Variants in SUCLG2 observed in about 807,000 individuals in gnomAD.
SUCLG2 encodes the protein succinate--CoA ligase [GDP-forming] subunit beta, mitochondrial.
In SUCLG2, 42 loss-of-function variants were observed where a neutral mutation model predicts 47.9. The observed-to-expected ratio is 0.88, with a 90% CI of 0.69 to 1.14. The LOEUF (loss-of-function observed/expected upper bound fraction) is 1.14, where lower values mean the gene tolerates loss of function less well. SUCLG2 is among the 50% of genes most tolerant of loss of function. The pLI is 0.00. For synonymous variants in SUCLG2, 195 were observed against 197.3 expected (o/e 0.99, Z 0.10); for missense variants, 571 against 525.9 (o/e 1.09, Z -0.84).
chr3:67,584,038 A>G (rs78840125), intron 2 of SUCLG2, among the ~76,000 whole-genome samples: 2,652 of 152,322 alleles, frequency 0.017, 31 homozygotes, highest in Non-Finnish European at 0.029. Flanking sequence ...TTGGGGCCAG[A>G]ATTCTGTCTA....
chr3:67,419,194 T>C (rs77467579), intron 9 of SUCLG2, among the ~76,000 whole-genome samples: 1 of 152,220 alleles, frequency 6.6e-6, no homozygotes, highest in Non-Finnish European at 1.5e-5. Context: ...TTTCTGTTGA[T>C]GGCCTGTTGA....
chr3:67,515,137 G>C (rs529879757), intron 6 of SUCLG2, among the ~76,000 whole-genome samples: 20 of 152,296 alleles, frequency 1.3e-4, no homozygotes, highest in South Asian at 4.1e-4. Flanking sequence ...TTGAGAAAGA[G>C]ACCATATTCA....
chr3:67,369,784 G>C (rs1274082706), downstream of SUCLG2, among the ~76,000 whole-genome samples: 4 of 152,272 alleles, frequency 2.6e-5, no homozygotes, highest in East Asian at 7.7e-4. Flanking sequence ...CTGTCACATA[G>C]ATCAGCCCAG....
rs144389748 is a variant in SUCLG2, at chr3:67,506,439, G to A, written c.757+2368C>T. Among the ~76,000 whole-genome samples, 688 of 152,172 alleles carry A rather than the reference G, an allele frequency of 4.5e-3. 8 individuals carry two copies. In the East Asian group the frequency reaches 0.054, roughly 12 times the overall value. On this transcript the variant is annotated intron_variant, in intron 7 of 10. Coordinates refer to ENST00000307227, the MANE Select transcript of SUCLG2 (RefSeq NM_003848.4). Reference sequence around the variant, plus strand: ...CTTAAAAATATCACATAAGACTTATGTTTTAATGAACTGTATATAATGTTT... The same window carrying A: ...CTTAAAAATATCACATAAGACTTATATTTTAATGAACTGTATATAATGTTT...
At chr3:67,495,651 CA>C (rs57812170) in intron 9 of SUCLG2, 146 bp downstream of exon 9, 45,076 of 642,712 alleles carry the variant, frequency 0.07, no homozygotes, top group East Asian at 0.11. Flanking sequence ...GACTCCGTCT[CA>C]AAAAAAAAAA....
chr3:67,619,660 T>C (rs1443227836), intron 1 of SUCLG2, among the ~76,000 whole-genome samples: 2 of 152,212 alleles, frequency 1.3e-5, no homozygotes, highest in African/African-American at 4.8e-5. Context: ...TGCCTTGTTC[T>C]TTTTATCCTA....
chr3:67,487,598 G>T (rs1484091395), intron 9 of SUCLG2, among the ~76,000 whole-genome samples: 1 of 151,204 alleles, frequency 6.6e-6, no homozygotes, highest in African/African-American at 2.4e-5. Context: ...AAAAAGAAAA[G>T]GCAAGTCATA....
At chr3:67,424,887 A>G (rs899276089) in intron 9 of SUCLG2, among the ~76,000 whole-genome samples, 4 of 152,030 alleles carry the variant, frequency 2.6e-5, no homozygotes, top group African/African-American at 9.7e-5. Context: ...CTTTTAGCCA[A>G]TCTGAACAAT....
intron 9 of SUCLG2, among the ~76,000 whole-genome samples, chr3:67,485,337 T>C (rs1486697971): frequency 6.6e-6 from 1 of 152,246 alleles, no homozygotes; most frequent in African/African-American, 2.4e-5. Context: ...TTTTCTTTCC[T>C]AAGTCTTATG....
In SUCLG2 at chr3:67,621,682, A is replaced by G. The variant is rs138024077; in HGVS notation, c.85-12086T>C. ...TGGCTTTCTAAGAAAAAGAAGAGAG[A>G]TGAGAGCTAGTACTCTCAGCCCCTT... is the stretch of plus-strand genomic sequence containing the variant. On this transcript the variant is annotated intron_variant, in intron 1 of 10. Coordinates refer to ENST00000307227, the MANE Select transcript of SUCLG2 (RefSeq NM_003848.4). Among the ~76,000 whole-genome samples the G allele has an allele frequency of 2.0e-3, 304 of 152,226 alleles. 4 individuals are homozygous for G. The East Asian group carries it at 0.043, about 22-fold the overall frequency.
chr3:67,459,223 A>T (rs1355621239), intron 9 of SUCLG2, among the ~76,000 whole-genome samples: 2 of 151,942 alleles, frequency 1.3e-5, no homozygotes, highest in Non-Finnish European at 2.9e-5. Context: ...GGCCTGCTTG[A>T]CGAAGCACAT....
chr3:67,487,571 T>C (rs975805211), intron 9 of SUCLG2, among the ~76,000 whole-genome samples: 2 of 143,398 alleles, frequency 1.4e-5, no homozygotes, highest in East Asian at 3.9e-4. Context: ...TATGTAATAA[T>C]GGAAAACTAG....
chr3:67,393,476 C>T (rs1422351730), intron 10 of SUCLG2, among the ~76,000 whole-genome samples: 9 of 152,196 alleles, frequency 5.9e-5, no homozygotes, highest in Non-Finnish European at 1.2e-4. Flanking sequence ...GGGAGGGGTG[C>T]CTGCCATGGC....
intron 9 of SUCLG2, among the ~76,000 whole-genome samples, chr3:67,404,494 T>C (rs4450832): frequency 0.19 from 29,463 of 151,744 alleles, 2,994 homozygotes; most frequent in Admixed American, 0.28. Flanking sequence ...ACAAAGCAAT[T>C]GAGATTTCTA....
chr3:67,589,657 G>A (rs9847456), intron 2 of SUCLG2, among the ~76,000 whole-genome samples: 4,555 of 152,272 alleles, frequency 0.03, 229 homozygotes, highest in African/African-American at 0.1. Context: ...TTCAAGATGG[G>A]GCCTTCCAAG....
chr3:67,648,367 G>A (rs761677700), intron 1 of SUCLG2, among the ~76,000 whole-genome samples: 1 of 152,184 alleles, frequency 6.6e-6, no homozygotes, highest in Non-Finnish European at 1.5e-5. Flanking sequence ...ACCTTCATCA[G>A]CACAAGTCCA....
intron 9 of SUCLG2, among the ~76,000 whole-genome samples, chr3:67,460,314 G>C (rs1164399489): frequency 6.6e-6 from 1 of 152,172 alleles, no homozygotes; most frequent in Non-Finnish European, 1.5e-5. Context: ...TCACATGATA[G>C]TACAATAAAA....
rs1287654484 is a variant in SUCLG2, at chr3:67,395,675, T to C, written c.1183+5056A>G. Among the ~76,000 whole-genome samples, 22 of 152,310 alleles carry C rather than the reference T, an allele frequency of 1.4e-4. No individual in the cohort carries two copies. In the East Asian group the frequency reaches 4.2e-3, roughly 29 times the overall value. On this transcript the variant is annotated intron_variant, in intron 10 of 10. Coordinates refer to ENST00000307227, the MANE Select transcript of SUCLG2 (RefSeq NM_003848.4). The stretch of plus-strand genomic sequence containing the variant: ...TCAGCTCTGCACCAAGTGGACCTAA[T>C]AGACATCTACAGAACTCTCCACCCC...
intron 7 of SUCLG2, among the ~76,000 whole-genome samples, chr3:67,505,255 C>T (rs577269268): frequency 6.6e-6 from 1 of 152,184 alleles, no homozygotes; most frequent in African/African-American, 2.4e-5. Context: ...GCAAGCAGGG[C>T]TGGAGAACCA....
Sources: allele counts gnomAD v4.1 joint callset (sites outside exome capture counted in the v4.1 genomes callset), GRCh38; gene constraint gnomAD v4.1.1; transcripts MANE v1.5; gene names NCBI Gene and HGNC (gene_info 2026-07-23, HGNC 2026-07-21).